Variants in GSR observed in about 807,000 individuals in gnomAD.
The protein encoded by GSR is glutathione reductase, mitochondrial.
A neutral mutation model predicts 56.5 loss-of-function variants in GSR; 48 were observed. The observed-to-expected ratio is 0.85, with a 90% CI of 0.67 to 1.08. The LOEUF (loss-of-function observed/expected upper bound fraction) is 1.08, where lower values mean the gene tolerates loss of function less well. GSR is among the 50% of genes least tolerant of loss of function. The pLI, the probability that GSR is intolerant of heterozygous loss-of-function variation, is 0.00. For synonymous variants in GSR, 264 were observed against 270.8 expected (o/e 0.97, Z 0.25); for missense variants, 694 against 703.3 (o/e 0.99, Z 0.15).
chr8:30,696,585 C>A, intron 6 of GSR, 106 bp from the exon 7 acceptor site: 1 of 770,836 alleles, frequency 1.3e-6, no homozygotes, highest in Non-Finnish European at 2.3e-6. Flanking sequence ...CCTTATTATA[C>A]CCCTTGATCA....
chr8:30,689,880 TATTA>T (rs1398046523), intron 8 of GSR, among the ~76,000 whole-genome samples: 10 of 142,918 alleles, frequency 7.0e-5, no homozygotes, highest in Non-Finnish European at 1.5e-5. Context: ...AATATATGTA[TATTA>T]TATATAAATT....
intron 6 of GSR, among the ~76,000 whole-genome samples, chr8:30,696,887 C>CA (rs1372499940): frequency 6.6e-6 from 1 of 152,104 alleles, no homozygotes; most frequent in African/African-American, 2.4e-5. Flanking sequence ...TTTGTAGAGA[C>CA]AGAGTCTCAC....
intron 9 of GSR, among the ~76,000 whole-genome samples, chr8:30,684,726 C>A (rs1346653378): frequency 2.0e-5 from 3 of 152,002 alleles, no homozygotes; most frequent in Non-Finnish European, 4.4e-5. Context: ...CTGACTCAAG[C>A]AGTCACCAAA....
Position 30,727,575 on chromosome 8 carries a change from A to G in GSR, c.261T>C (p.Gly87=), listed in dbSNP as rs2280855. The G allele has an allele frequency of 0.018, 28,212 of 1,533,114 alleles. 2,255 individuals carry two copies. In the African/African-American group the frequency reaches 0.23, roughly 13 times the overall value. 95.0% of individuals were successfully genotyped at this position (1,533,114 alleles called of 1,614,324 possible). A position where few individuals can be genotyped will look rare whatever the true frequency, so the allele number is the denominator to read the frequency against. Residue 87 remains glycine, a synonymous_variant, in exon 1 of 13, where the codon GGT becomes GGC. Coordinates refer to ENST00000221130, the MANE Select transcript of GSR (RefSeq NM_000637.5). The part of the protein sequence containing the change: ...LASARRAAEL[G]ARAAVVESHK... ...GGCTCTCCACCACGGCGGCCCTGGC[A>G]CCCAGCTCGGCCGCCCTGCGCGCGC... is the stretch of plus-strand genomic sequence containing the variant.
intron 1 of GSR, among the ~76,000 whole-genome samples, chr8:30,720,049 A>G (rs1804477242): frequency 6.6e-6 from 1 of 151,958 alleles, no homozygotes; most frequent in Non-Finnish European, 1.5e-5. Flanking sequence ...GTCTCCACAA[A>G]TAAAAAATTT....
chr8:30,710,146 T>A (rs994885650), intron 2 of GSR, among the ~76,000 whole-genome samples: 5 of 151,642 alleles, frequency 3.3e-5, no homozygotes, highest in Non-Finnish European at 7.4e-5. Flanking sequence ...CAAAACCCCA[T>A]CTCTATTAAA....
chr8:30,711,249 C>T (rs1164480550), intron 2 of GSR, among the ~76,000 whole-genome samples: 1 of 152,102 alleles, frequency 6.6e-6, no homozygotes, highest in Non-Finnish European at 1.5e-5. Context: ...AGGTGGTAAG[C>T]TTGAGATTAC....
chr8:30,683,571 C>A (rs1803027991), intron 10 of GSR, among the ~76,000 whole-genome samples: 1 of 151,908 alleles, frequency 6.6e-6, no homozygotes, highest in African/African-American at 2.4e-5. Flanking sequence ...CTGAGGCAGG[C>A]AGTCTGCTTA....
intron 11 of GSR, among the ~76,000 whole-genome samples, chr8:30,681,419 G>A (rs559104172): frequency 1.3e-4 from 20 of 152,168 alleles, no homozygotes; most frequent in East Asian, 1.2e-3. Context: ...CCAGCTATTC[G>A]GGAGGCTGAG....
rs548713969 is a variant in GSR at position 30,680,777 on chromosome 8, A to G, written c.1419+127T>C. 44 of 833,036 alleles carry G rather than the reference A, an allele frequency of 5.3e-5. No individual in the cohort carries two copies. In the South Asian group the frequency reaches 5.9e-4, roughly 11 times the overall value. 51.6% of individuals were successfully genotyped at this position (833,036 alleles called of 1,614,324 possible). A position where few individuals can be genotyped will look rare whatever the true frequency, so the allele number is the denominator to read the frequency against. On this transcript the variant is annotated intron_variant, in intron 12 of 12. Coordinates refer to ENST00000221130, the MANE Select transcript of GSR (RefSeq NM_000637.5). ...CCCCAAAATGCAGGTAAGACAGATCAAAGTGGGCCTGTCCAGTTGAATCAG... is the reference window on the plus strand; with the variant it reads ...CCCCAAAATGCAGGTAAGACAGATCGAAGTGGGCCTGTCCAGTTGAATCAG...
intron 6 of GSR, 22 bp downstream of exon 6, chr8:30,700,059 A>G: frequency 1.9e-6 from 3 of 1,579,970 alleles, no homozygotes; most frequent in Non-Finnish European, 2.6e-6. Context: ...TGAGTCACTG[A>G]GGTCAGGTCA....
At chr8:30,687,994 G>C (rs1803220281) in intron 9 of GSR, among the ~76,000 whole-genome samples, 1 of 152,108 alleles carries the variant, frequency 6.6e-6, no homozygotes, top group Non-Finnish European at 1.5e-5. Context: ...GTTCAAATTT[G>C]GGTCAAACTC....
intron 9 of GSR, among the ~76,000 whole-genome samples, chr8:30,687,331 G>A (rs909103469): frequency 6.6e-6 from 1 of 152,070 alleles, no homozygotes; most frequent in Non-Finnish European, 1.5e-5. Flanking sequence ...GGTATACACT[G>A]CTCAAGCAGC....
At chr8:30,714,644 G>A (rs531619971) in intron 1 of GSR, among the ~76,000 whole-genome samples, 1 of 152,170 alleles carries the variant, frequency 6.6e-6, no homozygotes, top group African/African-American at 2.4e-5. Context: ...ACAGGTGTGA[G>A]CTACCATACG....
rs143389671 is a variant in GSR, at chr8:30,679,646, T to A, written c.1443A>T (p.Gly481=). ...CCTGCAGCATTTCATCACACCCAAG[T>A]CCCTGCATATGGATCCCAACCACCT... ...EEKVVGIHMQ[G]LGCDEMLQGF... The change falls in exon 13 of 13, where the codon GGA becomes GGT. Residue 481 remains glycine (G), a synonymous_variant. Coordinates refer to ENST00000221130, the MANE Select transcript of GSR (RefSeq NM_000637.5). 1.2e-6 allele frequency: 2 copies of A among 1,613,378 alleles called. No individual in the cohort carries two copies. The highest frequency in any genetic ancestry group is 1.3e-5 in the African/African-American group (1 of 74,746).
intron 6 of GSR, 86 bp downstream of exon 6, chr8:30,699,995 A>T: frequency 2.1e-6 from 2 of 940,162 alleles, no homozygotes; most frequent in Non-Finnish European, 3.5e-6. Flanking sequence ...GGCCTACATT[A>T]AATGCTTGGG....
chr8:30,688,740 G>A (rs1206733847), intron 9 of GSR, among the ~76,000 whole-genome samples: 1 of 151,794 alleles, frequency 6.6e-6, no homozygotes, highest in Non-Finnish European at 1.5e-5. Flanking sequence ...GCAACATGGT[G>A]AAACCTCATC....
At chr8:30,694,506 G>A (rs1803484169) in intron 7 of GSR, among the ~76,000 whole-genome samples, 1 of 152,112 alleles carries the variant, frequency 6.6e-6, no homozygotes, top group Non-Finnish European at 1.5e-5. Context: ...AGAGATGGGG[G>A]TCTCACTATG....
intron 7 of GSR, among the ~76,000 whole-genome samples, chr8:30,693,868 A>C (rs1460690453): frequency 1.3e-5 from 2 of 152,180 alleles, no homozygotes; most frequent in Non-Finnish European, 2.9e-5. Flanking sequence ...TGGGAAAAAA[A>C]GGGAGAATGA....
Sources: gnomAD v4.1 joint callset for allele counts (sites outside exome capture counted in the v4.1 genomes callset) on GRCh38, gnomAD v4.1.1 for gene constraint, MANE v1.5 for transcripts, NCBI Gene and HGNC (gene_info 2026-07-23, HGNC 2026-07-21) for gene names.